Variants in OPTN observed in about 807,000 individuals in gnomAD.
The protein encoded by OPTN is optineurin, also known as E3-14.7K-interacting protein.
OPTN carries 54 observed loss-of-function variants against 70.4 expected under a neutral mutation model. The ratio of observed to expected loss-of-function variants is 0.77; its 90% CI spans 0.62 to 0.96. OPTN has a LOEUF of 0.96. Ranked by LOEUF, OPTN falls within the 40% of genes least tolerant of loss-of-function variation. The pLI is 0.00. For synonymous variants in OPTN, 256 were observed against 248.5 expected, an observed-to-expected ratio of 1.03 and a Z score of -0.28; for missense variants, 624 against 673.2, an observed-to-expected ratio of 0.93 and a Z score of 0.81.
In OPTN at chr10:13,111,569, G is replaced by A. The variant is rs1832998583; in HGVS notation, c.370-884G>A. Among the ~76,000 whole-genome samples, 4 of 151,932 alleles carry A rather than the reference G, an allele frequency of 2.6e-5. No homozygotes were observed. The South Asian group carries it at 6.2e-4, about 24-fold the overall frequency. Reference sequence around the variant, plus strand: ...AAAAATTAGCCAGGCATGGTAGTGCGTGCCTGTAGTCCCAGCTACTTGGGA... The same window carrying A: ...AAAAATTAGCCAGGCATGGTAGTGCATGCCTGTAGTCCCAGCTACTTGGGA... On this transcript the variant is annotated intron_variant, in intron 4 of 14. Transcript: ENST00000378747.
rs772488197 is a variant in OPTN at position 13,133,533 on chromosome 10, G to A, written c.1564G>A (p.Gly522Arg). 6.2e-7 allele frequency: 1 copy of A among 1,614,122 alleles called. No individual in the cohort carries two copies. The highest frequency in any genetic ancestry group is 8.5e-7 in the Non-Finnish European group (1 of 1,180,012). ...CTTGATGGAGATGCAGAGTCGTCAT[G>A]GGGCGAGAACAAGTGACTCTGACCA... is the stretch of plus-strand genomic sequence containing the variant. ...QSLMEMQSRH[G>R]ARTSDSDQQA... is the part of the protein sequence containing the mutation. The change falls in exon 14 of 15, where the codon GGG (glycine) becomes AGG (arginine). Residue 522 changes from glycine (G) to arginine (R), a missense_variant. Coordinates refer to ENST00000378747, the MANE Select transcript of OPTN (RefSeq NM_001008212.2).
chr10:13,125,874 G>A, intron 10 of OPTN, 72 bp from the exon 11 acceptor site: 1 of 1,123,258 alleles, frequency 8.9e-7, no homozygotes, highest in Non-Finnish European at 1.3e-6. Context: ...TGTTCAGAAG[G>A]TTGGGAGGCA....
At chr10:13,113,114 G>A (rs1244868652) in intron 5 of OPTN, among the ~76,000 whole-genome samples, 2 of 152,032 alleles carry the variant, frequency 1.3e-5, no homozygotes, top group Non-Finnish European at 2.9e-5. Flanking sequence ...CTCTGCCTCC[G>A]GGGTTCAAGA....
chr10:13,105,514 T>C (rs1388204759), intron 1 of OPTN, among the ~76,000 whole-genome samples: 1 of 152,214 alleles, frequency 6.6e-6, no homozygotes, highest in East Asian at 1.9e-4. Flanking sequence ...CGTATGCTTA[T>C]AAAATCCGGG....
Position 13,135,455 on chromosome 10 carries a change from G to A in OPTN, c.1613-1290G>A, listed in dbSNP as rs1008018947. ...AAGGCCCCTCTCAAGTTAATTGGTC[G>A]CATCTAGGAGGCCTTTCTGCACCAA... On this transcript the variant is annotated intron_variant, in intron 14 of 14. Transcript: ENST00000378747. Among the ~76,000 whole-genome samples the A allele has an allele frequency of 1.2e-4, 18 of 150,882 alleles. 2 individuals are homozygous for A. Among genetic ancestry groups the A allele is most frequent in the Admixed American group, 8.6e-4 (13 of 15,074 alleles).
At chr10:13,101,172 A>AG (rs1482776753) in intron 1 of OPTN, among the ~76,000 whole-genome samples, 1 of 152,220 alleles carries the variant, frequency 6.6e-6, no homozygotes, top group African/African-American at 2.4e-5. Context: ...CCCCAAGGCC[A>AG]GGGATTGCCC....
intron 5 of OPTN, among the ~76,000 whole-genome samples, chr10:13,115,848 G>A (rs1001132527): frequency 6.6e-6 from 1 of 151,112 alleles, no homozygotes; most frequent in Non-Finnish European, 1.5e-5. Context: ...CACAGAAACT[G>A]CCTCTTTTTT....
rs1200398565 is a variant in OPTN at position 13,100,938 on chromosome 10, C to A, written c.-164+636C>A. 2.6e-5 allele frequency among the ~76,000 whole-genome samples: 4 copies of A among 152,170 alleles called. No individual in the cohort carries two copies. In the East Asian group the frequency reaches 7.7e-4, roughly 29 times the overall value. ...GAAAACTGTTGTATGGAAATGTACA[C>A]CAAGGAACTGTTTGTAAGGATGAAA... On this transcript the variant is annotated intron_variant, in intron 1 of 14. Transcript: ENST00000378747.
At chr10:13,118,685 G>T (rs1033239647) in intron 6 of OPTN, among the ~76,000 whole-genome samples, 1 of 152,204 alleles carries the variant, frequency 6.6e-6, no homozygotes, top group African/African-American at 2.4e-5. Flanking sequence ...GCCTCACTGA[G>T]TCTCCACACC....
chr10:13,126,707 C>T (rs889923382), intron 11 of OPTN, among the ~76,000 whole-genome samples: 4 of 152,038 alleles, frequency 2.6e-5, no homozygotes, highest in Admixed American at 2.0e-4. Context: ...AATTTGGGAC[C>T]CTGGAATCAT....
intron 4 of OPTN, 86 bp downstream of exon 4, chr10:13,110,562 C>A: frequency 7.8e-7 from 1 of 1,287,406 alleles, no homozygotes; most frequent in Non-Finnish European, 1.1e-6. Flanking sequence ...ACTCCTAGAT[C>A]AAAACCTTTC....
chr10:13,137,315 A>G lies in OPTN; in HGVS notation c.*449A>G. On this transcript the variant is annotated 3_prime_UTR_variant, in exon 15 of 15. Coordinates refer to ENST00000378747, the MANE Select transcript of OPTN (RefSeq NM_001008212.2). ...AGAAAAAAAGGAAGGAAGGAGAAGG[A>G]AGGAAGGAGAAGAAAAGGTACCTGT... 1 of 319,246 alleles carries G rather than the reference A, an allele frequency of 3.1e-6. No homozygotes were observed. The highest frequency in any genetic ancestry group is 5.9e-6 in the Non-Finnish European group (1 of 169,512). 19.8% of individuals were successfully genotyped at this position (319,246 alleles called of 1,614,324 possible).
chr10:13,133,862 G>A (rs986596955), intron 14 of OPTN, among the ~76,000 whole-genome samples: 1 of 152,026 alleles, frequency 6.6e-6, no homozygotes, highest in Non-Finnish European at 1.5e-5. Context: ...AGGCTGGAGT[G>A]CAGTGGCGAG....
Position 13,116,341 on chromosome 10 carries a change from G to C in OPTN, c.626+1G>C. 1 of 1,610,926 alleles carries C rather than the reference G, an allele frequency of 6.2e-7. No homozygotes were observed. The highest frequency in any genetic ancestry group is 8.5e-7 in the Non-Finnish European group (1 of 1,177,126). On this transcript the variant is annotated splice_donor_variant, in intron 6 of 14. Coordinates refer to ENST00000378747, the MANE Select transcript of OPTN (RefSeq NM_001008212.2). LOFTEE classifies it high-confidence loss of function. ...CCACGAGAACAGTCTCCACTGGCACGTATGTGAAGGAAGACTCGGGCTGTC... is the reference window on the plus strand; with the variant it reads ...CCACGAGAACAGTCTCCACTGGCACCTATGTGAAGGAAGACTCGGGCTGTC...
rs776938424 is a variant in OPTN, at chr10:13,116,344, TG to T, written c.626+5del. 59 of 1,610,948 alleles carry T rather than the reference TG, an allele frequency of 3.7e-5. No individual in the cohort carries two copies. Among genetic ancestry groups the T allele is most frequent in the Non-Finnish European group, 4.9e-5 (58 of 1,177,334 alleles). On this transcript the variant is annotated splice_donor_5th_base_variant and intron_variant, in intron 6 of 14. Transcript: ENST00000378747. ...CGAGAACAGTCTCCACTGGCACGTA[TG>T]TGAAGGAAGACTCGGGCTGTCAGGC... is the stretch of plus-strand genomic sequence containing the variant.
At chr10:13,113,265 A>G (rs943715249) in intron 5 of OPTN, among the ~76,000 whole-genome samples, 1 of 152,168 alleles carries the variant, frequency 6.6e-6, no homozygotes, top group Non-Finnish European at 1.5e-5. Flanking sequence ...GCTTCAAGTG[A>G]TCCACCCGCC....
chr10:13,113,273 G>A (rs1672604875), intron 5 of OPTN, among the ~76,000 whole-genome samples: 1 of 152,056 alleles, frequency 6.6e-6, no homozygotes. Flanking sequence ...TGATCCACCC[G>A]CCTCGGCCTC....
chr10:13,125,317 C>A, intron 9 of OPTN, 101 bp from the exon 10 acceptor site: 2 of 1,274,528 alleles, frequency 1.6e-6, no homozygotes, highest in African/African-American at 1.5e-5. Context: ...AACCCTACAG[C>A]CCTAAAATTC....
chr10:13,128,625 C>T (rs1009645801), intron 12 of OPTN, among the ~76,000 whole-genome samples: 1 of 146,828 alleles, frequency 6.8e-6, no homozygotes, highest in Admixed American at 6.9e-5. Flanking sequence ...TCATTGCAAC[C>T]TCTGCCTCCT....
Sources: allele counts gnomAD v4.1 joint callset (sites outside exome capture counted in the v4.1 genomes callset), GRCh38; gene constraint gnomAD v4.1.1; transcripts MANE v1.5; gene names NCBI Gene and HGNC (gene_info 2026-07-23, HGNC 2026-07-21).